Variants in PHACTR2 observed in about 807,000 individuals in gnomAD.
PHACTR2 encodes chromosome 6 open reading frame 56.
PHACTR2 carries 30 observed loss-of-function variants against 76.0 expected under a neutral mutation model. The observed-to-expected ratio is 0.39, with a 90% CI of 0.30 to 0.54. PHACTR2 has a LOEUF of 0.54. PHACTR2 is among the 20% of genes least tolerant of loss of function. PHACTR2 has a pLI of 0.61. For missense variants in PHACTR2, 696 were observed against 781.1 expected (o/e 0.89, Z 1.30); for synonymous variants, 292 against 292.5 (o/e 1.00, Z 0.02).
chr6:143,801,181 G>A lies in PHACTR2; in HGVS notation c.1846-5876G>A, dbSNP rs375897280. Among the ~76,000 whole-genome samples, 86 of 152,220 alleles carry A rather than the reference G, an allele frequency of 5.6e-4. 1 individual carries two copies. In the East Asian group the frequency reaches 0.015, roughly 27 times the overall value. On this transcript the variant is annotated intron_variant, in intron 11 of 12. Transcript: ENST00000440869. This position sits in a 1 kb window ranked among gnomAD's most constrained non-coding sequence, Gnocchi z 4.6. ...TCTGACAGTTATGTGTCTTGGGGTT[G>A]CTCTTCTCGGGCAATCTCTTTGTGG...
chr6:143,586,667 C>T (rs1026998680), intron 1 of PHACTR2, among the ~76,000 whole-genome samples: 2 of 152,146 alleles, frequency 1.3e-5, no homozygotes, highest in African/African-American at 2.4e-5. Context: ...GATTAAAAGG[C>T]GGTTTATGCA....
intron 1 of PHACTR2, among the ~76,000 whole-genome samples, chr6:143,584,867 G>A (rs1159640559): frequency 6.6e-6 from 1 of 151,894 alleles, no homozygotes; most frequent in Non-Finnish European, 1.5e-5. Flanking sequence ...TTAGGACTCG[G>A]GCACCAGGGA....
chr6:143,572,448 G>A (rs2128431815), intron 1 of PHACTR2, among the ~76,000 whole-genome samples: 1 of 152,304 alleles, frequency 6.6e-6, no homozygotes, highest in South Asian at 2.1e-4. Context: ...AAAATAGAAT[G>A]TGTGTGAGTG....
At chr6:143,727,300 T>TA (rs372180521) in intron 2 of PHACTR2, among the ~76,000 whole-genome samples, 1 of 152,160 alleles carries the variant, frequency 6.6e-6, no homozygotes, top group African/African-American at 2.4e-5. Flanking sequence ...CTTTTTTTTT[T>TA]ATGGCCAAAC....
At chr6:143,638,804 A>G (rs1437017248) in intron 1 of PHACTR2, among the ~76,000 whole-genome samples, 1 of 152,226 alleles carries the variant, frequency 6.6e-6, no homozygotes, top group Non-Finnish European at 1.5e-5. Flanking sequence ...TGCTTCTTGC[A>G]TATAGGGAAG....
At position 143,710,106 on chromosome 6, in the gene PHACTR2, C is replaced by T. The variant is rs991657109; in HGVS notation, c.47-1910C>T. 7.2e-5 allele frequency among the ~76,000 whole-genome samples: 11 copies of T among 152,158 alleles called. No homozygotes were observed. Among genetic ancestry groups the T allele is most frequent in the Non-Finnish European group, 1.3e-4 (9 of 68,026 alleles). On this transcript the variant is annotated intron_variant, in intron 1 of 12. Transcript: ENST00000440869. This position sits in a 1 kb window ranked among gnomAD's most constrained non-coding sequence, Gnocchi z 4.9. Reference sequence around the variant, plus strand: ...AGTTTCTTATGTTGCTACTCTGCCCCTTTCCTGGTTATGTGGCTAGAGAGT... The same window carrying T: ...AGTTTCTTATGTTGCTACTCTGCCCTTTTCCTGGTTATGTGGCTAGAGAGT...
rs1176645773 is a variant in PHACTR2, at chr6:143,816,563, A to G, written c.1923-7111A>G. ...GCATATTATTGCACGCACGGTATCA[A>G]TTGGTCACCTTCTTTTCCTAGCCAG... is the stretch of plus-strand genomic sequence containing the variant. On this transcript the variant is annotated intron_variant, in intron 12 of 12. Transcript: ENST00000440869. This position sits in a 1 kb window ranked among gnomAD's most constrained non-coding sequence, Gnocchi z 4.5. Among the ~76,000 whole-genome samples the G allele has an allele frequency of 6.6e-6, 1 of 151,640 alleles. No individual in the cohort carries two copies. The highest frequency in any genetic ancestry group is 1.5e-5 in the Non-Finnish European group (1 of 67,902).
At chr6:143,622,306 C>T (rs965782816) in intron 1 of PHACTR2, among the ~76,000 whole-genome samples, 1 of 152,162 alleles carries the variant, frequency 6.6e-6, no homozygotes, top group African/African-American at 2.4e-5. Flanking sequence ...CACCTCTGGT[C>T]ATGTAGTCCT....
chr6:143,725,090 ATGTG>A (rs1440883602), intron 2 of PHACTR2, among the ~76,000 whole-genome samples: 1 of 150,040 alleles, frequency 6.7e-6, no homozygotes. Flanking sequence ...GTCTGTGTAT[ATGTG>A]TGTATAGTGC....
At chr6:143,773,201 A>G (rs1775194266) in intron 7 of PHACTR2, among the ~76,000 whole-genome samples, 1 of 152,134 alleles carries the variant, frequency 6.6e-6, no homozygotes, top group Non-Finnish European at 1.5e-5. Context: ...AGACAGAGCG[A>G]GACTCCATCT....
rs772825475 is a variant in PHACTR2, at chr6:143,625,161, CA to C, written c.13+16850del. 0.01 allele frequency among the ~76,000 whole-genome samples: 1,420 copies of C among 137,474 alleles called. 21 individuals carry two copies. The highest frequency in any genetic ancestry group is 0.033 in the African/African-American group (1,213 of 37,320). 90.2% of individuals were successfully genotyped at this position (137,474 alleles called of 152,430 possible). On this transcript the variant is annotated intron_variant, in intron 1 of 11. Transcript: ENST00000305766. This position sits in a 1 kb window ranked among gnomAD's most constrained non-coding sequence, Gnocchi z 4.3. ...GTAGAGACAGAATGAGACTTCATCT[CA>C]AAAAAAAAAAGTATAGTCAAGGAAT...
At chr6:143,636,972 A>G (rs1776465724) in intron 1 of PHACTR2, among the ~76,000 whole-genome samples, 1 of 152,254 alleles carries the variant, frequency 6.6e-6, no homozygotes, top group Non-Finnish European at 1.5e-5. Flanking sequence ...GCCCTTGGGC[A>G]CATGGCCACA....
intron 1 of PHACTR2, among the ~76,000 whole-genome samples, chr6:143,670,461 C>T (rs943796912): frequency 6.6e-6 from 1 of 152,096 alleles, no homozygotes; most frequent in African/African-American, 2.4e-5. Context: ...TCACTCTCCC[C>T]GTCACTTTCA....
chr6:143,696,468 T>A lies in PHACTR2; in HGVS notation c.47-15548T>A, dbSNP rs1270148637. ...AAACCTCTTATCAGCCTTTTTCCACTTGCTTACATGTATTATCTCTATTAA... is the reference window on the plus strand; with the variant it reads ...AAACCTCTTATCAGCCTTTTTCCACATGCTTACATGTATTATCTCTATTAA... On this transcript the variant is annotated intron_variant, in intron 1 of 12. Coordinates refer to ENST00000440869, the MANE Select transcript of PHACTR2 (RefSeq NM_001100164.2). The surrounding 1 kb of genome is among the most constrained non-coding windows in gnomAD (Gnocchi z 4.1). Among the ~76,000 whole-genome samples, 1 of 152,198 alleles carries A rather than the reference T, an allele frequency of 6.6e-6. No homozygotes were observed. The highest frequency in any genetic ancestry group is 1.5e-5 in the Non-Finnish European group (1 of 68,034).
chr6:143,678,242 C>A lies in PHACTR2; in HGVS notation c.46+33C>A, dbSNP rs946914610. 1.8e-5 allele frequency: 26 copies of A among 1,460,450 alleles called. No homozygotes were observed. The highest frequency in any genetic ancestry group is 3.0e-5 in the African/African-American group (2 of 67,168). The allele number at this position is 1,460,450 out of a possible 1,614,324, so 90.5% of individuals were successfully genotyped here. On this transcript the variant is annotated intron_variant, in intron 1 of 12. Coordinates refer to ENST00000440869, the MANE Select transcript of PHACTR2 (RefSeq NM_001100164.2). This position sits in a 1 kb window ranked among gnomAD's most constrained non-coding sequence, Gnocchi z 6.2. Reference sequence around the variant, plus strand: ...CGGGGCGCACGCGATGCGCTCCCGCCGCGCGGGCGCAGGGCTGGCGGCGGG... The same window carrying A: ...CGGGGCGCACGCGATGCGCTCCCGCAGCGCGGGCGCAGGGCTGGCGGCGGG...
chr6:143,815,882 ACT>A (rs1371618248), intron 12 of PHACTR2, among the ~76,000 whole-genome samples: 3 of 126,738 alleles, frequency 2.4e-5, no homozygotes, highest in African/African-American at 9.4e-5. Flanking sequence ...AAAGAGCAAG[ACT>A]CTGTCTCAAG....
chr6:143,729,921 C>T (rs891542168), intron 2 of PHACTR2, among the ~76,000 whole-genome samples: 3 of 145,046 alleles, frequency 2.1e-5, no homozygotes, highest in Non-Finnish European at 3.0e-5. Context: ...GAAATTTCAA[C>T]AGCATTTGTT....
At chr6:143,756,027 C>T (rs2128471201) in intron 4 of PHACTR2, among the ~76,000 whole-genome samples, 1 of 152,112 alleles carries the variant, frequency 6.6e-6, no homozygotes, top group South Asian at 2.1e-4. Context: ...GCTCCCTTTC[C>T]TCCTGCATGA....
intron 2 of PHACTR2, among the ~76,000 whole-genome samples, chr6:143,735,881 A>C (rs1778806300): frequency 6.6e-6 from 1 of 152,240 alleles, no homozygotes; most frequent in African/African-American, 2.4e-5. Flanking sequence ...TTTCCTAAAA[A>C]AATTAAAGTT....
Sources: allele counts gnomAD v4.1 joint callset (sites outside exome capture counted in the v4.1 genomes callset), GRCh38; gene constraint gnomAD v4.1.1; non-coding constraint Gnocchi (gnomAD v3.1); transcripts MANE v1.5; gene names NCBI Gene and HGNC (gene_info 2026-07-23, HGNC 2026-07-21).